CEP63: variants seen among roughly 807,000 people sequenced by gnomAD.
CEP63 encodes centrosomal protein 63.
In CEP63, 84 loss-of-function variants were observed where a neutral mutation model predicts 89.1. The ratio of observed to expected loss-of-function variants is 0.94; its 90% CI spans 0.79 to 1.13. The LOEUF is 1.13. Ranked by LOEUF, CEP63 falls within the 50% of genes most tolerant of loss-of-function variation. The pLI is 0.00. For missense variants in CEP63, 838 were observed against 813.3 expected (o/e 1.03, Z -0.37); for synonymous variants, 267 against 272.5 (o/e 0.98, Z 0.20).
chr3:134,766,829 A>G, the CEP63 span, among the ~76,000 whole-genome samples: 1 of 152,206 alleles, frequency 6.6e-6, no homozygotes, highest in Non-Finnish European at 1.5e-5. Flanking sequence ...TGCTCCTGGT[A>G]GCCTTTAAGT....
At chr3:134,649,619 ACTC>A in the CEP63 span, among the ~76,000 whole-genome samples, 1 of 151,874 alleles carries the variant, frequency 6.6e-6, no homozygotes, top group African/African-American at 2.4e-5. Flanking sequence ...AATCCAAACA[ACTC>A]CTGCTTCAGT....
chr3:134,662,938 T>G, the CEP63 span, among the ~76,000 whole-genome samples: 1 of 152,196 alleles, frequency 6.6e-6, no homozygotes, highest in Non-Finnish European at 1.5e-5. Flanking sequence ...GACCCTGGGC[T>G]CTCTGGCCAG....
chr3:134,642,250 C>G, the CEP63 span, among the ~76,000 whole-genome samples: 159 of 152,316 alleles, frequency 1.0e-3, no homozygotes, highest in African/African-American at 3.8e-3. Context: ...AGGCTCCAAT[C>G]CTCCGGGGCC....
intron 2 of CEP63, among the ~76,000 whole-genome samples, chr3:134,504,063 G>T (rs1270800378): frequency 6.7e-6 from 1 of 150,062 alleles, no homozygotes; most frequent in Non-Finnish European, 1.5e-5. Flanking sequence ...TATATCCTTT[G>T]TTCCTTTCTT....
the CEP63 span, among the ~76,000 whole-genome samples, chr3:134,724,610 T>C: frequency 6.6e-6 from 1 of 152,266 alleles, no homozygotes; most frequent in Admixed American, 6.5e-5. Flanking sequence ...CTTCTGGCTA[T>C]TAGGCATATA....
At chr3:134,633,893 G>A in the CEP63 span, among the ~76,000 whole-genome samples, 1 of 152,150 alleles carries the variant, frequency 6.6e-6, no homozygotes, top group African/African-American at 2.4e-5. Flanking sequence ...GAACTAATAA[G>A]TTAGTTTAGC....
At chr3:134,677,618 C>A in the CEP63 span, among the ~76,000 whole-genome samples, 5 of 152,130 alleles carry the variant, frequency 3.3e-5, no homozygotes, top group African/African-American at 7.2e-5. Context: ...CTGACTCTGG[C>A]TAGGGCTAGG....
At chr3:134,672,222 G>A in the CEP63 span, among the ~76,000 whole-genome samples, 1 of 152,138 alleles carries the variant, frequency 6.6e-6, no homozygotes, top group Non-Finnish European at 1.5e-5. Flanking sequence ...TTTTCTTGCA[G>A]CTAAAAATGA....
At chr3:134,612,693 C>T in the CEP63 span, among the ~76,000 whole-genome samples, 7 of 151,364 alleles carry the variant, frequency 4.6e-5, no homozygotes, top group South Asian at 6.2e-4. Flanking sequence ...GCCCCTGACA[C>T]GATGTGAACT....
chr3:134,520,800 A>G (rs1011827933), intron 3 of CEP63, among the ~76,000 whole-genome samples: 4 of 152,286 alleles, frequency 2.6e-5, no homozygotes, highest in East Asian at 1.9e-4. Flanking sequence ...AATACATGTC[A>G]CTGGATCAAC....
the CEP63 span, among the ~76,000 whole-genome samples, chr3:134,656,547 C>T: frequency 6.6e-6 from 1 of 152,224 alleles, no homozygotes; most frequent in Non-Finnish European, 1.5e-5. Context: ...ATGATCAAAA[C>T]CACTGTCACC....
chr3:134,622,215 G>A, the CEP63 span, among the ~76,000 whole-genome samples: 2 of 152,110 alleles, frequency 1.3e-5, no homozygotes, highest in Non-Finnish European at 2.9e-5. Flanking sequence ...TCCAAGGTAC[G>A]CAACCAAAAA....
intron 3 of CEP63, among the ~76,000 whole-genome samples, chr3:134,513,979 G>A (rs370613591): frequency 6.6e-6 from 1 of 152,058 alleles, no homozygotes; most frequent in African/African-American, 2.4e-5. Context: ...AATAACCTGA[G>A]ACAACAAAGA....
At chr3:134,607,374 A>G in the CEP63 span, 1 of 985,536 alleles carries the variant, frequency 1.0e-6, no homozygotes. Flanking sequence ...CCGCTGCCCC[A>G]TTGCCCTGCA....
At chr3:134,651,048 A>ACGGGAGAGGGCGAGGGCG in the CEP63 span, 2 of 1,570,922 alleles carry the variant, frequency 1.3e-6, no homozygotes, top group African/African-American at 1.4e-5. Context: ...GCTGCCCCAC[A>ACGGGAGAGGGCGAGGGCG]CGGGAGAGGG....
chr3:134,566,821 G>A (rs1957779889), downstream of CEP63, among the ~76,000 whole-genome samples: 1 of 152,168 alleles, frequency 6.6e-6, no homozygotes, highest in Non-Finnish European at 1.5e-5. Context: ...CTCATATGTT[G>A]CTGATGGGAA....
At chr3:134,546,963 C>T (rs1214087799) in intron 8 of CEP63, among the ~76,000 whole-genome samples, 1 of 152,196 alleles carries the variant, frequency 6.6e-6, no homozygotes, top group East Asian at 1.9e-4. Context: ...TAATAGCAGC[C>T]AGCCATTGGG....
chr3:134,513,885 A>G (rs1945583450), intron 3 of CEP63, among the ~76,000 whole-genome samples: 1 of 152,114 alleles, frequency 6.6e-6, no homozygotes, highest in Non-Finnish European at 1.5e-5. Flanking sequence ...AGCAAATATA[A>G]ATTTTCTTCA....
chr3:134,667,780 G>A, the CEP63 span, among the ~76,000 whole-genome samples: 2 of 152,166 alleles, frequency 1.3e-5, no homozygotes, highest in African/African-American at 4.8e-5. Flanking sequence ...GTTCTCTTCT[G>A]GGTAGGTGAC....
Sources: gnomAD v4.1 joint callset for allele counts (sites outside exome capture counted in the v4.1 genomes callset) on GRCh38, gnomAD v4.1.1 for gene constraint, MANE v1.5 for transcripts, NCBI Gene and HGNC (gene_info 2026-07-23, HGNC 2026-07-21) for gene names.